The following TMPRSS9 variants were observed in gnomAD, a reference collection of about 807,000 sequenced individuals.
The protein encoded by TMPRSS9 is transmembrane protease serine 9.
Under a neutral mutation model 111.4 loss-of-function variants are expected in TMPRSS9, and 113 were observed. That is an observed-to-expected ratio of 1.01 (90% CI 0.87 to 1.19). The LOEUF (loss-of-function observed/expected upper bound fraction) is 1.19. Among genes scored for constraint, TMPRSS9 ranks in the 50% most tolerant of loss-of-function variants. The pLI is 0.00. For missense variants in TMPRSS9, 1,803 were observed against 1,513.1 expected, an observed-to-expected ratio of 1.19 and a Z score of -3.18; for synonymous variants, 805 against 659.1, an observed-to-expected ratio of 1.22 and a Z score of -3.39.
chr19:2,362,218 TC>T (rs1183379140), intron 1 of TMPRSS9, among the ~76,000 whole-genome samples: 1 of 151,830 alleles, frequency 6.6e-6, no homozygotes, highest in African/African-American at 2.4e-5. Flanking sequence ...AATTGTGTGG[TC>T]GGGTGGGATC....
chr19:2,376,950 C>T (rs1184429050), intron 1 of TMPRSS9, among the ~76,000 whole-genome samples: 15 of 152,122 alleles, frequency 9.9e-5, no homozygotes, highest in African/African-American at 2.9e-4. Flanking sequence ...AGGGTCGCGC[C>T]GGGGCAGAGG....
rs575689787 is a variant in TMPRSS9 at position 2,417,789 on chromosome 19, T to C, written c.2018-213T>C. ...CCCAGGTGCTAGGGCGGCAGCCCCA[T>C]GGGGACAGTGGGGAGACTCTTGCGC... On this transcript the variant is annotated intron_variant, in intron 12 of 17. Coordinates refer to ENST00000648592, the Ensembl canonical transcript of TMPRSS9. Among the ~76,000 whole-genome samples, 3 of 152,264 alleles carry C rather than the reference T, an allele frequency of 2.0e-5. No individual in the cohort carries two copies. The East Asian group carries it at 5.8e-4, about 29-fold the overall frequency.
intron 1 of TMPRSS9, among the ~76,000 whole-genome samples, chr19:2,392,285 C>T (rs911827290): frequency 1.3e-5 from 2 of 151,918 alleles, no homozygotes; most frequent in African/African-American, 2.4e-5. Context: ...CCCTGCTACT[C>T]GGGAGACTGA....
chr19:2,385,059 GC>G (rs1052543328), upstream of TMPRSS9, among the ~76,000 whole-genome samples: 17 of 151,636 alleles, frequency 1.1e-4, no homozygotes, highest in South Asian at 4.2e-4. Context: ...ACTTTGGGAG[GC>G]CGAGGCGGGC....
chr19:2,424,372 C>A, intron 15 of TMPRSS9, 115 bp downstream of exon 16: 3 of 1,159,976 alleles, frequency 2.6e-6, no homozygotes, highest in Non-Finnish European at 3.3e-6. Flanking sequence ...CCTCCCCAAC[C>A]CCGGCTCCCA....
At chr19:2,403,252 G>A (rs551704756) in intron 6 of TMPRSS9, 57 bp downstream of exon 7, 3 of 1,405,430 alleles carry the variant, frequency 2.1e-6, no homozygotes, top group African/African-American at 2.8e-5. Context: ...AGGGTCAGCT[G>A]CTGGCTCTGG....
chr19:2,385,130 CCGGAGCTCGCAGGGGG>C (rs1177953385), upstream of TMPRSS9, among the ~76,000 whole-genome samples: 1 of 144,590 alleles, frequency 6.9e-6, no homozygotes, highest in Non-Finnish European at 1.5e-5. Flanking sequence ...GGGGTCACAG[CCGGAGCTCGCAGGGGG>C]CGGAGCTCGC....
At chr19:2,368,105 AT>A (rs1970261610) in intron 1 of TMPRSS9, among the ~76,000 whole-genome samples, 1 of 152,086 alleles carries the variant, frequency 6.6e-6, no homozygotes, top group Admixed American at 6.6e-5. Flanking sequence ...AACTCTCTGG[AT>A]TTGTGGGGCC....
intron 1 of TMPRSS9, among the ~76,000 whole-genome samples, chr19:2,391,395 A>ATTT (rs1568175757): frequency 7.6e-5 from 11 of 145,394 alleles, no homozygotes; most frequent in African/African-American, 1.5e-4. Flanking sequence ...TTTTTAAAAA[A>ATTT]TATTTGTGGA....
chr19:2,402,357 G>A (rs1250484397), intron 5 of TMPRSS9, among the ~76,000 whole-genome samples: 7 of 152,138 alleles, frequency 4.6e-5, no homozygotes, highest in South Asian at 2.1e-4. Context: ...AAGGAGGATC[G>A]CTTGAACCCA....
chr19:2,420,357 G>C (rs1971435119), intron 13 of TMPRSS9, among the ~76,000 whole-genome samples: 1 of 149,978 alleles, frequency 6.7e-6, no homozygotes, highest in African/African-American at 2.5e-5. Flanking sequence ...CAGGAGAATT[G>C]CTTGAGCCCA....
intron 8 of TMPRSS9, 99 bp downstream of exon 9, chr19:2,408,729 C>T: frequency 6.8e-7 from 1 of 1,478,204 alleles, no homozygotes; most frequent in Non-Finnish European, 9.1e-7. Flanking sequence ...GTCATCCCAG[C>T]ACTTTGGGAG....
intron 1 of TMPRSS9, among the ~76,000 whole-genome samples, chr19:2,379,606 A>ATTCTTTCT (rs1970365217): frequency 9.3e-6 from 1 of 107,900 alleles, no homozygotes; most frequent in African/African-American, 3.6e-5. Flanking sequence ...CCCTAAACTA[A>ATTCTTTCT]CTTTCTTTCT....
In TMPRSS9 at chr19:2,418,326, C is replaced by CTTTCCTTCCCTTT. The variant is rs753842636; in HGVS notation, c.2154+188_2154+189insTTTCCTTCCCTTT. Among the ~76,000 whole-genome samples the CTTTCCTTCCCTTT allele has an allele frequency of 8.8e-4, 35 of 39,732 alleles. 3 individuals are homozygous for CTTTCCTTCCCTTT. The highest frequency in any genetic ancestry group is 1.0e-3 in the Non-Finnish European group (25 of 24,204). The allele number at this position is 39,732 out of a possible 152,430, so 26.1% of individuals were successfully genotyped here. A position where few individuals can be genotyped will look rare whatever the true frequency, so the allele number is the denominator to read the frequency against. ...CTCCCTTTCCCTCCCTCCCTCCCTC[C>CTTTCCTTCCCTTT]CTCCCTTTCCTTCCCTCCCTTTCCC... On this transcript the variant is annotated intron_variant, in intron 13 of 17. Coordinates refer to ENST00000648592, the Ensembl canonical transcript of TMPRSS9.
intron 1 of TMPRSS9, among the ~76,000 whole-genome samples, chr19:2,368,855 G>A (rs1970268341): frequency 7.0e-6 from 1 of 142,790 alleles, no homozygotes; most frequent in African/African-American, 2.6e-5. Flanking sequence ...CGCAATCTCA[G>A]CTCACTGCAA....
At chr19:2,421,348 G>C (rs558043971) in intron 13 of TMPRSS9, among the ~76,000 whole-genome samples, 1 of 151,514 alleles carries the variant, frequency 6.6e-6, no homozygotes, top group Admixed American at 6.6e-5. Context: ...GAGTGCAGTG[G>C]TGCGATCTCA....
At chr19:2,390,067 CA>C in intron 1 of TMPRSS9, 140 bp downstream of exon 2, 2 of 1,103,566 alleles carry the variant, frequency 1.8e-6, no homozygotes, top group Non-Finnish European at 2.6e-6. Flanking sequence ...TGCCCTAGGC[CA>C]GGCGGGTGGG....
exon 3 of TMPRSS9, chr19:2,398,820 A>T: frequency 6.7e-7 from 1 of 1,491,486 alleles, no homozygotes; most frequent in South Asian, 1.2e-5. Context: ...CAGAAGACAG[A>T]GTTAGAGGCA....
At chr19:2,410,307 G>A (rs1203729294) in exon 9 of TMPRSS9, 24 of 1,613,966 alleles carry the variant, frequency 1.5e-5, no homozygotes, top group Non-Finnish European at 2.0e-5. Flanking sequence ...TGCTGGACCA[G>A]GCACTGTGTG....
Sources: allele counts gnomAD v4.1 joint callset (sites outside exome capture counted in the v4.1 genomes callset), GRCh38; gene constraint gnomAD v4.1.1; transcripts MANE v1.5; gene names NCBI Gene and HGNC (gene_info 2026-07-23, HGNC 2026-07-21).